Variants in ABCC8 observed in about 807,000 individuals in gnomAD.
ABCC8 encodes ATP binding cassette subfamily C member 8, also known as ATP-binding cassette sub-family C member 8.
A neutral mutation model predicts 188.0 loss-of-function variants in ABCC8; 137 were observed. The observed-to-expected ratio is 0.73, with a 90% CI of 0.63 to 0.84. The LOEUF is 0.84. Ranked by LOEUF, ABCC8 falls within the 40% of genes least tolerant of loss-of-function variation. The pLI is 0.00. For synonymous variants in ABCC8, 797 were observed against 846.5 expected (o/e 0.94, Z 1.01); for missense variants, 1,750 against 2,072.7 (o/e 0.84, Z 3.02).
Position 17,427,895 on chromosome 11 carries a change from C to G in ABCC8, c.2088G>C (p.Leu696=). ...GGGGGATACGAATGGTGATGTTGGA[C>G]AGTGTGGGGATTCCATCTGGGGTCC... ...FTWTPDGIPT[L]SNITIRIPRG... is the part of the protein sequence containing the mutation. Residue 696 remains leucine, a synonymous_variant, in exon 15 of 39, where the codon CTG becomes CTC. Transcript: ENST00000389817. The surrounding 1 kb of genome is among the most constrained non-coding windows in gnomAD (Gnocchi z 5.0). 2 of 1,614,060 alleles carry G rather than the reference C, an allele frequency of 1.2e-6. No homozygotes were observed. Among genetic ancestry groups the G allele is most frequent in the East Asian group, 2.2e-5 (1 of 44,862 alleles).
At chr11:17,469,922 T>A (rs1009202719) in intron 3 of ABCC8, among the ~76,000 whole-genome samples, 179 bp downstream of exon 3, 1 of 152,214 alleles carries the variant, frequency 6.6e-6, no homozygotes, top group Non-Finnish European at 1.5e-5. Context: ...TTATTCACTG[T>A]CTTTGCCTGT....
At chr11:17,472,768 C>T (rs959956058) in intron 2 of ABCC8, among the ~76,000 whole-genome samples, 2 of 152,182 alleles carry the variant, frequency 1.3e-5, no homozygotes, top group African/African-American at 4.8e-5. Context: ...ATCCCTGGAC[C>T]GATTCATTCC....
rs758963677 is a variant in ABCC8 at position 17,407,016 on chromosome 11, G to T, written c.3034C>A (p.Leu1012Met). The T allele has an allele frequency of 3.7e-6, 6 of 1,614,202 alleles. No individual in the cohort carries two copies. In the South Asian group the frequency reaches 6.6e-5, roughly 18 times the overall value. ...KYLSSAGILLLSLLVFSQLLK... is the reference protein window; with the variant it reads ...KYLSSAGILLMSLLVFSQLLK... ...AGCTGTGAGAAGACCAGCAACGACA[G>T]GAGCAGGATGCCGGCGGAGGACAGG... Residue 1012 changes from leucine to methionine, a missense_variant, in exon 25 of 39, where the codon CTG becomes ATG. Leu to Met is a conservative substitution (Grantham distance 15, BLOSUM62 2). Coordinates refer to ENST00000389817, the MANE Select transcript of ABCC8 (RefSeq NM_000352.6).
intron 11 of ABCC8, among the ~76,000 whole-genome samples, chr11:17,431,603 C>T (rs1167017465): frequency 6.6e-6 from 1 of 152,220 alleles, no homozygotes; most frequent in African/African-American, 2.4e-5. Flanking sequence ...GGGCCCAGGC[C>T]TTTCTGTAGG....
At chr11:17,460,860 A>C in intron 5 of ABCC8, 184 bp from the exon 6 acceptor site, 1 of 1,236,972 alleles carries the variant, frequency 8.1e-7, no homozygotes, top group Non-Finnish European at 1.1e-6. Flanking sequence ...GGGCCCTATC[A>C]ACACCAACAT....
intron 8 of ABCC8, chr11:17,444,307 A>T (rs1176365438): frequency 2.0e-5 from 3 of 152,296 alleles, no homozygotes; most frequent in African/African-American, 7.2e-5. Flanking sequence ...GCCCTGCAGC[A>T]TCACCCTCCT....
intron 10 of ABCC8, among the ~76,000 whole-genome samples, chr11:17,433,524 A>G (rs1955942401): frequency 6.6e-6 from 1 of 152,264 alleles, no homozygotes; most frequent in Admixed American, 6.5e-5. Flanking sequence ...GTGGTCCCCA[A>G]CTTCAGGGAA....
rs1159357907 is a variant in ABCC8, at chr11:17,474,762, G to A, written c.290+124C>T. The stretch of plus-strand genomic sequence containing the variant: ...GAGGTTGGCACATAGAAGACACTGA[G>A]CTGCTGGATGTAGTAACAAAAGACA... On this transcript the variant is annotated intron_variant, in intron 2 of 38. Coordinates refer to ENST00000389817, the MANE Select transcript of ABCC8 (RefSeq NM_000352.6). The A allele has an allele frequency of 4.6e-6, 5 of 1,092,714 alleles. No homozygotes were observed. The East Asian group carries it at 1.2e-4, about 27-fold the overall frequency. The allele number at this position is 1,092,714 out of a possible 1,614,324, so 67.7% of individuals were successfully genotyped here.
At chr11:17,397,556 G>A in intron 31 of ABCC8, 128 bp downstream of exon 31, 1 of 1,439,498 alleles carries the variant, frequency 6.9e-7, no homozygotes, top group South Asian at 1.2e-5. Flanking sequence ...TGCCCGCACT[G>A]TCCCTCTGGC....
At chr11:17,461,118 A>AG (rs1462306681) in intron 5 of ABCC8, 1 of 335,440 alleles carries the variant, frequency 3.0e-6, no homozygotes, top group Non-Finnish European at 5.7e-6. Flanking sequence ...GGCAGGTCAC[A>AG]GCCTTTCTCA....
intron 2 of ABCC8, among the ~76,000 whole-genome samples, chr11:17,472,641 A>G (rs1848542674): frequency 1.3e-5 from 2 of 152,224 alleles, no homozygotes; most frequent in Admixed American, 6.5e-5. Flanking sequence ...CACAAAGACC[A>G]GATGACAATT....
chr11:17,418,108 C>T (rs6486367), intron 16 of ABCC8, among the ~76,000 whole-genome samples: 50,316 of 151,734 alleles, frequency 0.33, 9,298 homozygotes, highest in African/African-American at 0.5. Context: ...GAGGTTTATT[C>T]TGATCGCCCT....
At position 17,406,621 on chromosome 11, in the gene ABCC8, C is replaced by T; in HGVS notation, c.3329+1G>A. On this transcript the variant is annotated splice_donor_variant, in intron 26 of 38. Transcript: ENST00000389817. LOFTEE classifies it high-confidence loss of function. ...CCAGCCTGGCCAGGGGAGACGGGTACCTCATGGGGGCTAGGATGATCCGGT... is the reference window on the plus strand; with the variant it reads ...CCAGCCTGGCCAGGGGAGACGGGTATCTCATGGGGGCTAGGATGATCCGGT... The T allele has an allele frequency of 6.2e-7, 1 of 1,612,920 alleles. No homozygotes were observed. Among genetic ancestry groups the T allele is most frequent in the Non-Finnish European group, 8.5e-7 (1 of 1,179,104 alleles).
chr11:17,432,899 C>A (rs1466184143), intron 10 of ABCC8, among the ~76,000 whole-genome samples: 1 of 152,152 alleles, frequency 6.6e-6, no homozygotes, highest in Non-Finnish European at 1.5e-5. Context: ...AGGGCAGAAT[C>A]CCTGCTACTT....
At chr11:17,434,984 C>CGTGTGTGTGTGTGTGTGTGTGT (rs57580521) in intron 10 of ABCC8, among the ~76,000 whole-genome samples, 4 of 144,650 alleles carry the variant, frequency 2.8e-5, no homozygotes, top group African/African-American at 1.1e-4. Flanking sequence ...CGTGTGTTCG[C>CGTGTGTGTGTGTGTGTGTGTGT]GTGTGTGTGT....
intron 12 of ABCC8, chr11:17,430,124 G>C (rs1461271585): frequency 6.4e-6 from 1 of 155,814 alleles, no homozygotes; most frequent in Non-Finnish European, 1.4e-5. Context: ...TGCTTTCAAG[G>C]AGGCAGAGCT....
At chr11:17,437,275 G>C (rs1200671878) in intron 10 of ABCC8, among the ~76,000 whole-genome samples, 1 of 152,038 alleles carries the variant, frequency 6.6e-6, no homozygotes, top group African/African-American at 2.4e-5. Context: ...CAACAAACCT[G>C]AGCTGGGATC....
intron 10 of ABCC8, chr11:17,436,305 T>C: frequency 5.3e-6 from 2 of 375,616 alleles, no homozygotes; most frequent in South Asian, 4.9e-5. Context: ...TGTTACAGGC[T>C]CTGGCACCTC....
intron 10 of ABCC8, among the ~76,000 whole-genome samples, chr11:17,438,304 C>T (rs16934136): frequency 0.049 from 7,428 of 152,162 alleles, 205 homozygotes; most frequent in South Asian, 0.076. Context: ...ATGGAAGAAA[C>T]GAAAGACCCA....
Sources: gnomAD v4.1 joint callset for allele counts (sites outside exome capture counted in the v4.1 genomes callset) on GRCh38, gnomAD v4.1.1 for gene constraint, Gnocchi (gnomAD v3.1) non-coding constraint, MANE v1.5 for transcripts, NCBI Gene and HGNC (gene_info 2026-07-23, HGNC 2026-07-21) for gene names.